The following SEPTIN14 variants were observed in gnomAD, a reference collection of about 807,000 sequenced individuals.
SEPTIN14 encodes septin-14.
In SEPTIN14, 40 loss-of-function variants were observed where a neutral mutation model predicts 53.6. That is an observed-to-expected ratio of 0.75 (90% CI 0.58 to 0.97). SEPTIN14 has a LOEUF of 0.97. Ranked by LOEUF, SEPTIN14 falls within the 50% of genes least tolerant of loss-of-function variation. SEPTIN14 has a pLI of 0.00. For missense variants in SEPTIN14, 471 were observed against 508.2 expected (o/e 0.93, Z 0.70); for synonymous variants, 138 against 166.8 (o/e 0.83, Z 1.33).
At chr7:55,803,853 G>C (rs1562705429) in intron 9 of SEPTIN14, among the ~76,000 whole-genome samples, 1 of 151,568 alleles carries the variant, frequency 6.6e-6, no homozygotes, top group Non-Finnish European at 1.5e-5. Flanking sequence ...GGCCAGGCGC[G>C]ATGGCTCATG....
chr7:55,830,397 A>AG (rs1350604942), intron 6 of SEPTIN14, among the ~76,000 whole-genome samples: 1 of 122,966 alleles, frequency 8.1e-6, no homozygotes, highest in Non-Finnish European at 1.6e-5. Context: ...ACCAGGCTGG[A>AG]GTGCAGTGGC....
intron 7 of SEPTIN14, among the ~76,000 whole-genome samples, chr7:55,816,264 T>C (rs1788788424): frequency 6.6e-6 from 1 of 152,060 alleles, no homozygotes; most frequent in African/African-American, 2.4e-5. Flanking sequence ...TTACATAGAA[T>C]GAATAAGATC....
At chr7:55,844,805 T>C (rs1584269786) in intron 3 of SEPTIN14, 87 bp from the exon 4 acceptor site, 2 of 613,576 alleles carry the variant, frequency 3.3e-6, no homozygotes, top group African/African-American at 3.8e-5. Flanking sequence ...GTTTTTAAAA[T>C]CTTAGAAAGT....
At chr7:55,801,618 C>T (rs1788523555) in intron 9 of SEPTIN14, among the ~76,000 whole-genome samples, 1 of 152,082 alleles carries the variant, frequency 6.6e-6, no homozygotes, top group Non-Finnish European at 1.5e-5. Flanking sequence ...GGCTACAAAA[C>T]ATTTAAAATG....
At chr7:55,836,964 A>G (rs1789218882) in intron 5 of SEPTIN14, among the ~76,000 whole-genome samples, 1 of 152,164 alleles carries the variant, frequency 6.6e-6, no homozygotes, top group South Asian at 2.1e-4. Flanking sequence ...TCTCTCTTCA[A>G]CTAAATAAAG....
intron 6 of SEPTIN14, among the ~76,000 whole-genome samples, chr7:55,827,793 C>T (rs1789016908): frequency 6.6e-6 from 1 of 152,198 alleles, no homozygotes; most frequent in Non-Finnish European, 1.5e-5. Flanking sequence ...CTGGCTCTTA[C>T]TCATAAGTGC....
At chr7:55,806,674 G>T (rs1417891693) in intron 8 of SEPTIN14, among the ~76,000 whole-genome samples, 1 of 150,986 alleles carries the variant, frequency 6.6e-6, no homozygotes, top group East Asian at 2.0e-4. Flanking sequence ...TGTTGGCCAG[G>T]CTGCTCTCAA....
At chr7:55,835,565 C>G (rs1789191213) in intron 5 of SEPTIN14, among the ~76,000 whole-genome samples, 1 of 152,112 alleles carries the variant, frequency 6.6e-6, no homozygotes, top group South Asian at 2.1e-4. Flanking sequence ...ATTCAAAGAA[C>G]TTTCCTCAAA....
chr7:55,802,892 A>G (rs547103506), intron 9 of SEPTIN14, among the ~76,000 whole-genome samples: 1 of 152,278 alleles, frequency 6.6e-6, no homozygotes, highest in South Asian at 2.1e-4. Flanking sequence ...AACTCAAATA[A>G]TTCAATAGTA....
chr7:55,845,522 C>A (rs952789075), intron 3 of SEPTIN14, among the ~76,000 whole-genome samples: 1 of 151,848 alleles, frequency 6.6e-6, no homozygotes, highest in Non-Finnish European at 1.5e-5. Context: ...TTGTATATTT[C>A]AAAATAATCA....
At chr7:55,849,675 G>C (rs1789486041) in intron 2 of SEPTIN14, among the ~76,000 whole-genome samples, 1 of 152,034 alleles carries the variant, frequency 6.6e-6, no homozygotes, top group Non-Finnish European at 1.5e-5. Flanking sequence ...GAACCTGGGA[G>C]GCAGAGGTTG....
chr7:55,841,342 T>C (rs149223253), intron 5 of SEPTIN14, among the ~76,000 whole-genome samples: 95 of 152,276 alleles, frequency 6.2e-4, no homozygotes, highest in African/African-American at 2.1e-3. Flanking sequence ...TTGTACCCAA[T>C]AGGTAATTTT....
chr7:55,862,154 CTG>C (rs2116093017), intron 1 of SEPTIN14, 143 bp from the exon 2 acceptor site: 2 of 589,114 alleles, frequency 3.4e-6, no homozygotes, highest in South Asian at 4.4e-5. Context: ...CTGTTTTAAA[CTG>C]TGGCTGTCTT....
intron 9 of SEPTIN14, among the ~76,000 whole-genome samples, chr7:55,805,015 A>G (rs1405684587): frequency 6.6e-6 from 1 of 152,204 alleles, no homozygotes; most frequent in Non-Finnish European, 1.5e-5. Context: ...AATTATAAAT[A>G]AAACATAATT....
rs150755001 is a variant in SEPTIN14, at chr7:55,831,256, T to A, written c.720+3169A>T. Among the ~76,000 whole-genome samples, 17 of 152,146 alleles carry A rather than the reference T, an allele frequency of 1.1e-4. No homozygotes were observed. The East Asian group carries it at 3.3e-3, about 29-fold the overall frequency. On this transcript the variant is annotated intron_variant, in intron 6 of 9. Coordinates refer to ENST00000388975, the MANE Select transcript of SEPTIN14 (RefSeq NM_207366.3). ...ATAAAGAGTCCATTGCTAGGAAGGA[T>A]ACAGCTTAAAAAGGGAGAAAAAAAT...
intron 2 of SEPTIN14, among the ~76,000 whole-genome samples, chr7:55,848,693 C>T (rs1472535892): frequency 2.0e-5 from 3 of 151,076 alleles, no homozygotes; most frequent in Non-Finnish European, 4.4e-5. Flanking sequence ...CTGCAAGCTC[C>T]GCTTCCCGGG....
At chr7:55,851,415 G>GTT (rs572803494) in intron 2 of SEPTIN14, among the ~76,000 whole-genome samples, 28,835 of 146,474 alleles carry the variant, frequency 0.2, 3,588 homozygotes, top group East Asian at 0.42. Flanking sequence ...ACTGCATGGA[G>GTT]TTTTTTTTTT....
At chr7:55,821,454 C>T (rs1297224183) in intron 6 of SEPTIN14, among the ~76,000 whole-genome samples, 6 of 152,078 alleles carry the variant, frequency 3.9e-5, no homozygotes, top group Admixed American at 3.9e-4. Context: ...GGAGAAAACC[C>T]ATTCAAAAAA....
In SEPTIN14 at chr7:55,807,219, T is replaced by C. The variant is rs773911725; in HGVS notation, c.857A>G (p.Asp286Gly). The change falls in exon 8 of 10, where the codon GAT (aspartate) becomes GGT (glycine). Residue 286 changes from aspartate to glycine, a missense_variant. By Grantham distance (94) the Asp-to-Gly change is moderately conservative. Transcript: ENST00000388975. ...TTCCATATTGGTACAAAGAAGCATA[T>C]CTCGGAGCTTAACGAAGTCACAGTG... ...ENHCDFVKLR[D>G]MLLCTNMENL... The C allele has an allele frequency of 6.3e-7, 1 of 1,595,510 alleles. No individual in the cohort carries two copies. The highest frequency in any genetic ancestry group is 1.8e-5 in the Admixed American group (1 of 54,558).
Sources: allele counts gnomAD v4.1 joint callset (sites outside exome capture counted in the v4.1 genomes callset), GRCh38; gene constraint gnomAD v4.1.1; transcripts MANE v1.5; gene names NCBI Gene and HGNC (gene_info 2026-07-23, HGNC 2026-07-21).